The following NBAS variants were observed in gnomAD, a reference collection of about 807,000 sequenced individuals.
NBAS encodes the protein NAG/BC035112 fusion.
Under a neutral mutation model 302.5 loss-of-function variants are expected in NBAS, and 219 were observed. The observed-to-expected ratio is 0.72, with a 90% CI of 0.65 to 0.81. The LOEUF is 0.81. Ranked by LOEUF, NBAS falls within the 30% of genes least tolerant of loss-of-function variation. The pLI, the probability that NBAS is intolerant of heterozygous loss-of-function variation, is 0.00. For missense variants in NBAS, 2,932 were observed against 2,841.6 expected, an observed-to-expected ratio of 1.03 and a Z score of -0.72; for synonymous variants, 1,118 against 1,021.6, an observed-to-expected ratio of 1.09 and a Z score of -1.80.
the NBAS span, among the ~76,000 whole-genome samples, chr2:14,990,407 G>A: frequency 6.6e-6 from 1 of 151,422 alleles, no homozygotes; most frequent in African/African-American, 2.4e-5. Context: ...CTGGGCAACA[G>A]AGTGAGACTC....
At chr2:14,862,597 A>G in the NBAS span, among the ~76,000 whole-genome samples, 1 of 152,230 alleles carries the variant, frequency 6.6e-6, no homozygotes, top group African/African-American at 2.4e-5. Context: ...CATCTGTAAA[A>G]TTAAAATAAT....
chr2:15,500,479 T>C (rs1661463901), intron 11 of NBAS, among the ~76,000 whole-genome samples: 1 of 148,834 alleles, frequency 6.7e-6, no homozygotes, highest in Non-Finnish European at 1.5e-5. Flanking sequence ...CTAGATATTC[T>C]ACACCATTAT....
At chr2:14,786,521 G>A in the NBAS span, among the ~76,000 whole-genome samples, 1 of 152,048 alleles carries the variant, frequency 6.6e-6, no homozygotes, top group African/African-American at 2.4e-5. Context: ...GGTATGTTGT[G>A]TCTTTGTTCT....
the NBAS span, among the ~76,000 whole-genome samples, chr2:15,032,782 G>A: frequency 2.0e-5 from 3 of 152,186 alleles, no homozygotes; most frequent in Non-Finnish European, 4.4e-5. Context: ...CCAACTGAAA[G>A]GAAGGATCTG....
Position 15,468,394 on chromosome 2 carries a change from G to C in NBAS, c.1865C>G (p.Ala622Gly), listed in dbSNP as rs1363601372. 3.1e-6 allele frequency: 5 copies of C among 1,613,978 alleles called. No homozygotes were observed. In the Admixed American group the frequency reaches 8.3e-5, roughly 27 times the overall value. Residue 622 changes from alanine to glycine, a missense_variant, in exon 17 of 52, where the codon GCA (alanine) becomes GGA (glycine). Ala to Gly is a moderately conservative substitution (Grantham distance 60, BLOSUM62 0). Transcript: ENST00000281513. ...LEALLAIGKGADDGRFTLPGE... is the reference protein window; with the variant it reads ...LEALLAIGKGGDDGRFTLPGE... ...TTCTGTAACCAACCTGCCATCATCT[G>C]CTCCTTTCCCTATTGCTAAAAGAGC...
intron 35 of NBAS, among the ~76,000 whole-genome samples, chr2:15,339,228 A>G (rs116106303): frequency 2.0e-5 from 3 of 152,280 alleles, no homozygotes; most frequent in Admixed American, 6.5e-5. Context: ...CCACAAAGTA[A>G]GTTTACTGAA....
intron 42 of NBAS, among the ~76,000 whole-genome samples, chr2:15,277,329 G>T (rs984331592): frequency 5.3e-5 from 8 of 152,258 alleles, no homozygotes; most frequent in African/African-American, 1.9e-4. Context: ...TCTCACGGGG[G>T]TCTACAGCAA....
chr2:15,443,525 G>A (rs1240496841), intron 21 of NBAS, among the ~76,000 whole-genome samples: 2 of 151,556 alleles, frequency 1.3e-5, no homozygotes, highest in South Asian at 2.1e-4. Context: ...AGCTATCTAT[G>A]ACAAACCCAC....
intron 16 of NBAS, among the ~76,000 whole-genome samples, chr2:15,471,050 T>G (rs927936662): frequency 1.3e-5 from 2 of 152,210 alleles, no homozygotes; most frequent in Admixed American, 1.3e-4. Context: ...CCTAGCATAG[T>G]GCTCTTGCTC....
At chr2:14,884,171 T>C in the NBAS span, among the ~76,000 whole-genome samples, 623 of 152,174 alleles carry the variant, frequency 4.1e-3, 7 homozygotes, top group Non-Finnish European at 5.5e-3. Flanking sequence ...GATGGCAAGC[T>C]TCATTTTGAG....
At chr2:14,975,940 CAAT>C in the NBAS span, among the ~76,000 whole-genome samples, 1 of 152,180 alleles carries the variant, frequency 6.6e-6, no homozygotes, top group African/African-American at 2.4e-5. Flanking sequence ...TGCCCTCTGA[CAAT>C]GATGGAATAA....
the NBAS span, among the ~76,000 whole-genome samples, chr2:14,929,495 A>G: frequency 0.11 from 16,548 of 152,204 alleles, 986 homozygotes; most frequent in African/African-American, 0.15. Flanking sequence ...CTCCTGCCTT[A>G]GCCTCTTGAG....
chr2:15,325,949 T>C (rs1186240696), intron 38 of NBAS, among the ~76,000 whole-genome samples: 1 of 152,194 alleles, frequency 6.6e-6, no homozygotes, highest in Non-Finnish European at 1.5e-5. Flanking sequence ...ACTTGCCTCA[T>C]TTCAATATTG....
chr2:15,101,437 T>A, the NBAS span, among the ~76,000 whole-genome samples: 6 of 152,172 alleles, frequency 3.9e-5, no homozygotes, highest in African/African-American at 1.4e-4. Context: ...TGTATAGACT[T>A]ATATTTGCAT....
chr2:15,478,196 G>A (rs1680271254), intron 13 of NBAS, 30 bp downstream of exon 13: 1 of 1,429,796 alleles, frequency 7.0e-7, no homozygotes, highest in East Asian at 2.3e-5. Flanking sequence ...GTATATTAAG[G>A]TTTCAATTAT....
the NBAS span, among the ~76,000 whole-genome samples, chr2:15,137,416 G>C: frequency 6.6e-6 from 1 of 152,064 alleles, no homozygotes; most frequent in African/African-American, 2.4e-5. Flanking sequence ...ACCTTCCCCA[G>C]GTCAAGCAAC....
the NBAS span, among the ~76,000 whole-genome samples, chr2:14,902,422 G>A: frequency 0.24 from 35,933 of 152,182 alleles, 4,421 homozygotes; most frequent in Non-Finnish European, 0.27. Context: ...TTGCACCACT[G>A]CACCTGGCCT....
At chr2:15,311,384 A>T (rs1224878800) in intron 38 of NBAS, among the ~76,000 whole-genome samples, 2 of 152,220 alleles carry the variant, frequency 1.3e-5, no homozygotes, top group Non-Finnish European at 2.9e-5. Context: ...GCACACAGAA[A>T]GTACCCAGTA....
the NBAS span, among the ~76,000 whole-genome samples, chr2:15,066,215 C>T: frequency 6.6e-6 from 1 of 152,086 alleles, no homozygotes; most frequent in South Asian, 2.1e-4. Context: ...TATCTTATAC[C>T]GTACATAAAA....
Sources: allele counts gnomAD v4.1 joint callset (sites outside exome capture counted in the v4.1 genomes callset), GRCh38; gene constraint gnomAD v4.1.1; transcripts MANE v1.5; gene names NCBI Gene and HGNC (gene_info 2026-07-23, HGNC 2026-07-21).